PDE8B: variants seen among roughly 807,000 people sequenced by gnomAD.
PDE8B encodes high affinity cAMP-specific and IBMX-insensitive 3',5'-cyclic phosphodiesterase 8B.
In PDE8B, 26 loss-of-function variants were observed where a neutral mutation model predicts 101.3. The ratio of observed to expected loss-of-function variants is 0.26; its 90% CI spans 0.19 to 0.36. The LOEUF is 0.36. PDE8B is among the 10% of genes least tolerant of loss of function. The pLI, the probability that PDE8B is intolerant of heterozygous loss-of-function variation, is 1.00. For synonymous variants in PDE8B, 424 were observed against 429.3 expected (o/e 0.99, Z 0.15); for missense variants, 810 against 1,163.1 (o/e 0.70, Z 4.42).
At chr5:77,259,071 CCCGCCCCCCCCCCACA>C (rs1759876247) in intron 1 of PDE8B, among the ~76,000 whole-genome samples, 1 of 78,532 alleles carries the variant, frequency 1.3e-5, no homozygotes, top group Non-Finnish European at 2.8e-5. Flanking sequence ...CACACACACC[CCCGCCCCCCCCCCACA>C]CACACACACG....
At chr5:77,097,370 C>G in the PDE8B span, among the ~76,000 whole-genome samples, 4 of 151,832 alleles carry the variant, frequency 2.6e-5, no homozygotes, top group Non-Finnish European at 2.9e-5. Context: ...CTTAGCTGAT[C>G]TAGGAAAAGT....
intron 17 of PDE8B, among the ~76,000 whole-genome samples, 171 bp from the exon 18 acceptor site, chr5:77,418,058 C>G (rs1217659442): frequency 6.6e-6 from 1 of 152,126 alleles, no homozygotes; most frequent in Non-Finnish European, 1.5e-5. Flanking sequence ...CACAGTAAAG[C>G]GATGCTGCAT....
chr5:77,111,548 GA>G, the PDE8B span, among the ~76,000 whole-genome samples: 1 of 152,190 alleles, frequency 6.6e-6, no homozygotes, highest in Non-Finnish European at 1.5e-5. Flanking sequence ...AAATTACTGG[GA>G]AGACATGCCA....
chr5:77,217,479 T>C (rs555649831), intron 1 of PDE8B, among the ~76,000 whole-genome samples: 1 of 152,340 alleles, frequency 6.6e-6, no homozygotes, highest in East Asian at 1.9e-4. Flanking sequence ...TTTTTAAAGA[T>C]AGGTGTTACC....
chr5:77,338,754 A>G (rs990933629), intron 6 of PDE8B, among the ~76,000 whole-genome samples: 4 of 152,200 alleles, frequency 2.6e-5, no homozygotes, highest in African/African-American at 9.7e-5. Context: ...CAATAAATAG[A>G]ATTAGAAAGA....
Position 77,297,490 on chromosome 5 carries a change from C to G in PDE8B, c.340-14504C>G, listed in dbSNP as rs562235525. Among the ~76,000 whole-genome samples, 11 of 152,258 alleles carry G rather than the reference C, an allele frequency of 7.2e-5. No homozygotes were observed. The South Asian group carries it at 1.5e-3, about 20-fold the overall frequency. ...TCTCGGATGGGGCCTGAATGTTTCC[C>G]CTTCTAATAAGTTCCATGTGATGCT... is the stretch of plus-strand genomic sequence containing the variant. On this transcript the variant is annotated intron_variant, in intron 1 of 21. Transcript: ENST00000264917.
rs71606290 is a variant in PDE8B at position 77,397,026 on chromosome 5, ATT to A, written c.1168-3199_1168-3198del. 3.8e-4 allele frequency among the ~76,000 whole-genome samples: 32 copies of A among 84,384 alleles called. 1 individual carries two copies. In the East Asian group the frequency reaches 4.2e-3, roughly 11 times the overall value. The allele number at this position is 84,384 out of a possible 152,430, so 55.4% of individuals were successfully genotyped here. On this transcript the variant is annotated intron_variant, in intron 10 of 21. Coordinates refer to ENST00000264917, the MANE Select transcript of PDE8B (RefSeq NM_003719.5). ...TTGGTTTCTATATTTCCGATAAGAA[ATT>A]TTTTTTTTTTTTTTTTTTTTTTGAG...
chr5:77,375,889 CTTTTTTTT>C (rs70988668), intron 10 of PDE8B, among the ~76,000 whole-genome samples: 4 of 108,316 alleles, frequency 3.7e-5, no homozygotes, highest in South Asian at 3.1e-4. Flanking sequence ...GCCTTGATTT[CTTTTTTTT>C]TTTTTTTTTT....
At chr5:77,172,141 G>A in the PDE8B span, among the ~76,000 whole-genome samples, 1 of 152,176 alleles carries the variant, frequency 6.6e-6, no homozygotes, top group Admixed American at 6.5e-5. Flanking sequence ...GCGTGGATGG[G>A]GAAGAAGCCT....
At chr5:77,099,376 G>C in the PDE8B span, among the ~76,000 whole-genome samples, 1 of 152,186 alleles carries the variant, frequency 6.6e-6, no homozygotes, top group African/African-American at 2.4e-5. Flanking sequence ...CCAGAACTGA[G>C]ATATTTTTAA....
chr5:77,359,009 A>AT lies in PDE8B; in HGVS notation c.1167+5612dup, dbSNP rs370394138. On this transcript the variant is annotated intron_variant, in intron 10 of 21. Transcript: ENST00000264917. ...AAGGCCTCTGATATTGCGAAACCAC[A>AT]TTTTTTTTTCCTGAGAAACCACGTT... Among the ~76,000 whole-genome samples the AT allele has an allele frequency of 5.2e-3, 785 of 151,478 alleles. 5 individuals are homozygous for AT. Among genetic ancestry groups the AT allele is most frequent in the African/African-American group, 0.018 (763 of 41,256 alleles).
intron 7 of PDE8B, among the ~76,000 whole-genome samples, chr5:77,346,908 T>A (rs752844702): frequency 1.3e-5 from 2 of 152,230 alleles, no homozygotes; most frequent in Non-Finnish European, 2.9e-5. Flanking sequence ...GGATAGTTAA[T>A]ATATGTTCTT....
Position 77,419,864 on chromosome 5 carries a change from A to T in PDE8B, c.2227A>T (p.Ile743Phe), listed in dbSNP as rs770080339. The change falls in exon 19 of 22, where the codon ATC becomes TTC. Residue 743 changes from isoleucine (I) to phenylalanine (F), a missense_variant. Coordinates refer to ENST00000264917, the MANE Select transcript of PDE8B (RefSeq NM_003719.5). ...ACATGTGAATAAGTTTGTGAACAGC[A>T]TCAACAAGCCAATGGCAGCTGAGGT... ...FEHVNKFVNS[I>F]NKPMAAEIEG... 1 of 1,614,124 alleles carries T rather than the reference A, an allele frequency of 6.2e-7. No homozygotes were observed. Among genetic ancestry groups the T allele is most frequent in the Non-Finnish European group, 8.5e-7 (1 of 1,179,966 alleles).
intron 6 of PDE8B, among the ~76,000 whole-genome samples, chr5:77,340,671 T>C (rs1455521889): frequency 6.7e-6 from 1 of 149,712 alleles, no homozygotes; most frequent in Non-Finnish European, 1.5e-5. Flanking sequence ...ATAGAGCACT[T>C]TTGGAAGGGA....
chr5:77,160,284 C>G, the PDE8B span, among the ~76,000 whole-genome samples: 2 of 152,138 alleles, frequency 1.3e-5, no homozygotes, highest in Non-Finnish European at 2.9e-5. Flanking sequence ...ATAGTAATCT[C>G]TCAGCATGCA....
At chr5:77,286,720 C>T (rs764227896) in intron 1 of PDE8B, among the ~76,000 whole-genome samples, 30 of 152,178 alleles carry the variant, frequency 2.0e-4, no homozygotes, top group Non-Finnish European at 2.9e-4. Flanking sequence ...GCATTTAATG[C>T]TGCTATCTTA....
chr5:77,343,516 T>C (rs1779587006), intron 6 of PDE8B, among the ~76,000 whole-genome samples: 1 of 152,204 alleles, frequency 6.6e-6, no homozygotes, highest in African/African-American at 2.4e-5. Flanking sequence ...GTTAAAATGG[T>C]GCACTTGTAT....
At chr5:77,402,194 G>A (rs1561657062) in intron 11 of PDE8B, among the ~76,000 whole-genome samples, 1 of 151,630 alleles carries the variant, frequency 6.6e-6, no homozygotes, top group Admixed American at 6.6e-5. Context: ...CGTTTCTCAG[G>A]GATTCAGAAA....
intron 10 of PDE8B, among the ~76,000 whole-genome samples, chr5:77,396,859 A>G (rs1045059040): frequency 6.6e-5 from 10 of 151,956 alleles, no homozygotes; most frequent in Admixed American, 1.3e-4. Flanking sequence ...TTTAACTCGT[A>G]GTAACCCTAA....
Sources: allele counts gnomAD v4.1 joint callset (sites outside exome capture counted in the v4.1 genomes callset), GRCh38; gene constraint gnomAD v4.1.1; transcripts MANE v1.5; gene names NCBI Gene and HGNC (gene_info 2026-07-23, HGNC 2026-07-21).